The following VWF variants were observed in gnomAD, a reference collection of about 807,000 sequenced individuals.
VWF encodes von Willebrand factor, also known as Factor VIII related antigen.
Under a neutral mutation model 308.6 loss-of-function variants are expected in VWF, and 176 were observed. The observed-to-expected ratio is 0.57, with a 90% CI of 0.50 to 0.65. VWF has a LOEUF of 0.65. Ranked by LOEUF, VWF falls within the 30% of genes least tolerant of loss-of-function variation. The pLI is 0.00. For synonymous variants in VWF, 1,385 were observed against 1,443.4 expected (o/e 0.96, Z 0.92); for missense variants, 3,146 against 3,648.2 (o/e 0.86, Z 3.55).
chr12:5,972,492 G>T (rs1943487603), intron 43 of VWF, among the ~76,000 whole-genome samples: 1 of 152,224 alleles, frequency 6.6e-6, no homozygotes, highest in Admixed American at 6.5e-5. Flanking sequence ...GTCCTTAAGA[G>T]AGAAAGAGTA....
chr12:5,996,877 C>T (rs1188908780), intron 34 of VWF, among the ~76,000 whole-genome samples: 1 of 151,972 alleles, frequency 6.6e-6, no homozygotes, highest in Non-Finnish European at 1.5e-5. Context: ...GATCATTTTG[C>T]ACCTACATAA....
At chr12:5,971,491 C>T (rs965130045) in intron 44 of VWF, 108 bp downstream of exon 44, 50 of 898,478 alleles carry the variant, frequency 5.6e-5, no homozygotes, top group Admixed American at 5.4e-5. Flanking sequence ...GGGTGAAATG[C>T]CCAGTGGGGA....
intron 1 of VWF, among the ~76,000 whole-genome samples, chr12:6,123,760 G>A (rs570314161): frequency 1.1e-3 from 171 of 152,270 alleles, no homozygotes; most frequent in African/African-American, 3.9e-3. Context: ...GCACCCAGGA[G>A]ATGCCCAGCA....
intron 13 of VWF, among the ~76,000 whole-genome samples, chr12:6,061,184 G>A (rs975332488): frequency 1.3e-5 from 2 of 152,128 alleles, no homozygotes; most frequent in Non-Finnish European, 2.9e-5. Flanking sequence ...CTGGGCAACA[G>A]AGTGAGACCC....
intron 5 of VWF, among the ~76,000 whole-genome samples, chr12:6,108,588 A>G (rs1480246330): frequency 3.1e-5 from 4 of 129,858 alleles, no homozygotes; most frequent in African/African-American, 8.8e-5. Context: ...GAACACTTGT[A>G]AAAAAAAAAA....
At chr12:5,980,718 A>AGAGG (rs1943595317) in intron 42 of VWF, among the ~76,000 whole-genome samples, 1 of 151,620 alleles carries the variant, frequency 6.6e-6, no homozygotes, top group African/African-American at 2.4e-5. Context: ...AAGAGCGTCC[A>AGAGG]GAGGGGAAGA....
chr12:6,097,166 G>A (rs180930119), intron 5 of VWF, among the ~76,000 whole-genome samples: 1 of 152,244 alleles, frequency 6.6e-6, no homozygotes, highest in Non-Finnish European at 1.5e-5. Context: ...GGCCGGGCAC[G>A]GTGGCTGACA....
At chr12:6,097,584 G>A (rs1043185077) in intron 5 of VWF, among the ~76,000 whole-genome samples, 3 of 152,210 alleles carry the variant, frequency 2.0e-5, no homozygotes, top group Non-Finnish European at 4.4e-5. Flanking sequence ...ACTGCAGATG[G>A]TAGAAGAGGC....
chr12:5,976,878 A>G (rs1225843751), intron 42 of VWF, among the ~76,000 whole-genome samples: 1 of 152,246 alleles, frequency 6.6e-6, no homozygotes, highest in African/African-American at 2.4e-5. Context: ...TCTGGGATGC[A>G]CGCCACAGAC....
At chr12:5,952,906 C>T (rs776844506) in intron 48 of VWF, among the ~76,000 whole-genome samples, 38 of 152,154 alleles carry the variant, frequency 2.5e-4, no homozygotes, top group Non-Finnish European at 4.7e-4. Flanking sequence ...GTCTTACAGA[C>T]GCCCAAGGGT....
intron 39 of VWF, 23 bp downstream of exon 39, chr12:5,985,540 A>G: frequency 6.2e-7 from 1 of 1,611,290 alleles, no homozygotes; most frequent in Non-Finnish European, 8.5e-7. Context: ...CCATGAAGGC[A>G]CCAGGGAGGG....
intron 2 of VWF, 115 bp from the exon 3 acceptor site, chr12:6,121,453 G>T: frequency 7.5e-7 from 1 of 1,334,814 alleles, no homozygotes. Flanking sequence ...ACTGGGCTGT[G>T]GGGAGGTATT....
intron 18 of VWF, 85 bp downstream of exon 18, chr12:6,044,204 CCT>C (rs1944421676): frequency 1.9e-6 from 3 of 1,539,526 alleles, no homozygotes; most frequent in Middle Eastern, 2.2e-4. Flanking sequence ...CTTGTTTCTT[CCT>C]CTCTCTGGCT....
At chr12:6,029,255 A>G in intron 22 of VWF, 87 bp downstream of exon 22, 1 of 1,579,818 alleles carries the variant, frequency 6.3e-7, no homozygotes, top group Non-Finnish European at 8.7e-7. Context: ...GGATTCATAA[A>G]GCAAGTCCTT....
At position 6,027,849 on chromosome 12, in the gene VWF, TACACAC is replaced by T. The variant is rs138442170; in HGVS notation, c.2967+1487_2967+1492del. 1.8e-4 allele frequency among the ~76,000 whole-genome samples: 24 copies of T among 131,274 alleles called. No homozygotes were observed. The South Asian group carries it at 4.1e-3, about 22-fold the overall frequency. The allele number at this position is 131,274 out of a possible 152,430, so 86.1% of individuals were successfully genotyped here. A position where few individuals can be genotyped will look rare whatever the true frequency, so the allele number is the denominator to read the frequency against. The stretch of plus-strand genomic sequence containing the variant: ...AAAAAACAAATACATGGAAGACACA[TACACAC>T]ACACACACACACACACACACACACA... On this transcript the variant is annotated intron_variant, in intron 22 of 51. Transcript: ENST00000261405.
chr12:6,003,388 G>A (rs552649980), intron 34 of VWF, among the ~76,000 whole-genome samples: 1 of 152,160 alleles, frequency 6.6e-6, no homozygotes, highest in Admixed American at 6.5e-5. Context: ...AGTTGAGCTG[G>A]TATAAATTCA....
chr12:6,069,882 T>C (rs1438434328), intron 10 of VWF, among the ~76,000 whole-genome samples: 1 of 152,190 alleles, frequency 6.6e-6, no homozygotes, highest in Non-Finnish European at 1.5e-5. Flanking sequence ...ATAGTTGGTG[T>C]TCAAATAGTA....
intron 9 of VWF, 123 bp from the exon 10 acceptor site, chr12:6,071,466 C>A: frequency 9.3e-7 from 1 of 1,078,424 alleles, no homozygotes; most frequent in Admixed American, 1.9e-5. Context: ...AAGAAAAGAG[C>A]TGGTGCTAGC....
In VWF at chr12:6,023,638, T is replaced by C. The variant is rs1376066011; in HGVS notation, c.3372A>G (p.Thr1124=). ...GAGGGCGTCAGTACTCACGGCACAA[T>C]GTGGCCGTCCTCCAGGTCACCACCT... ...HGKVVTWRTA[T]LCPQSCEERN... The change falls in exon 25 of 52, where the codon ACA becomes ACG. Residue 1124 remains threonine (T), a synonymous_variant. Coordinates refer to ENST00000261405, the MANE Select transcript of VWF (RefSeq NM_000552.5). 7 of 1,613,708 alleles carry C rather than the reference T, an allele frequency of 4.3e-6. No individual in the cohort carries two copies. Among genetic ancestry groups the C allele is most frequent in the Non-Finnish European group, 5.9e-6 (7 of 1,180,006 alleles).
Sources: gnomAD v4.1 joint callset for allele counts (sites outside exome capture counted in the v4.1 genomes callset) on GRCh38, gnomAD v4.1.1 for gene constraint, MANE v1.5 for transcripts, NCBI Gene and HGNC (gene_info 2026-07-23, HGNC 2026-07-21) for gene names.